Variants in CDH13 observed in about 807,000 individuals in gnomAD.
CDH13 encodes cadherin-13.
CDH13 carries 24 observed loss-of-function variants against 63.8 expected under a neutral mutation model. The observed-to-expected ratio is 0.38, with a 90% CI of 0.27 to 0.53. The LOEUF is 0.53. CDH13 is among the 20% of genes least tolerant of loss of function. CDH13 has a pLI of 0.85. For synonymous variants in CDH13, 503 were observed against 355.3 expected, an observed-to-expected ratio of 1.42 and a Z score of -4.67; for missense variants, 1,049 against 903.1, an observed-to-expected ratio of 1.16 and a Z score of -2.07.
At chr16:82,708,670 C>T (rs145269398) in intron 1 of CDH13, among the ~76,000 whole-genome samples, 1 of 152,246 alleles carries the variant, frequency 6.6e-6, no homozygotes, top group Non-Finnish European at 1.5e-5. Context: ...TCAAGATAGT[C>T]AGGGTCTAAA....
At chr16:83,579,786 A>T (rs1047177146) in intron 7 of CDH13, among the ~76,000 whole-genome samples, 8 of 151,872 alleles carry the variant, frequency 5.3e-5, no homozygotes, top group Non-Finnish European at 7.4e-5. Flanking sequence ...CCATTGTGAT[A>T]AGTCAGATAT....
At chr16:83,210,085 G>GACAT (rs1160685797) in intron 4 of CDH13, among the ~76,000 whole-genome samples, 1 of 152,066 alleles carries the variant, frequency 6.6e-6, no homozygotes, top group Non-Finnish European at 1.5e-5. Context: ...GTTTGTTTGA[G>GACAT]ACAGAGTCTC....
chr16:83,604,953 G>A (rs146667234), intron 8 of CDH13, among the ~76,000 whole-genome samples: 3,028 of 152,162 alleles, frequency 0.02, 44 homozygotes, highest in Middle Eastern at 0.034. Flanking sequence ...TTGAATCCAA[G>A]GAATAATTTA....
intron 1 of CDH13, among the ~76,000 whole-genome samples, chr16:82,671,304 T>C (rs1313171805): frequency 6.6e-6 from 1 of 152,214 alleles, no homozygotes; most frequent in Non-Finnish European, 1.5e-5. Flanking sequence ...GTTTGGGATG[T>C]AAGACACTGA....
intron 5 of CDH13, among the ~76,000 whole-genome samples, chr16:83,343,059 C>T (rs944634937): frequency 2.0e-5 from 3 of 151,808 alleles, no homozygotes; most frequent in East Asian, 1.9e-4. Flanking sequence ...GCAGATATTA[C>T]GAGGCTCTGT....
At chr16:83,588,910 G>A (rs940308857) in intron 7 of CDH13, among the ~76,000 whole-genome samples, 1 of 152,212 alleles carries the variant, frequency 6.6e-6, no homozygotes, top group Non-Finnish European at 1.5e-5. Context: ...GGGCGTCTCA[G>A]TGTTCCAGGA....
chr16:83,280,603 A>G (rs541916390), intron 5 of CDH13, among the ~76,000 whole-genome samples: 1 of 152,346 alleles, frequency 6.6e-6, no homozygotes, highest in African/African-American at 2.4e-5. Context: ...AATGGCATCT[A>G]GAACAGTAAA....
At chr16:82,812,789 C>G (rs1225602117) in intron 1 of CDH13, among the ~76,000 whole-genome samples, 2 of 151,292 alleles carry the variant, frequency 1.3e-5, no homozygotes, top group Non-Finnish European at 3.0e-5. Flanking sequence ...TTTTTTATTT[C>G]CTTTCCTTCT....
chr16:82,720,945 A>C (rs1387355582), intron 1 of CDH13, among the ~76,000 whole-genome samples: 2 of 152,222 alleles, frequency 1.3e-5, no homozygotes, highest in Non-Finnish European at 2.9e-5. Context: ...AGTGAGGTTT[A>C]CTGGAGAAGG....
intron 13 of CDH13, among the ~76,000 whole-genome samples, chr16:83,790,649 C>T (rs374722776): frequency 1.3e-5 from 2 of 152,084 alleles, no homozygotes; most frequent in East Asian, 1.9e-4. Context: ...GTGATCCGCC[C>T]GCCTCGGCCT....
At chr16:83,570,434 C>G (rs1904468318) in intron 7 of CDH13, among the ~76,000 whole-genome samples, 1 of 152,116 alleles carries the variant, frequency 6.6e-6, no homozygotes, top group Non-Finnish European at 1.5e-5. Context: ...TAACCCAACC[C>G]TTTCTGAGTT....
At chr16:83,741,826 G>A (rs3784976) in intron 10 of CDH13, among the ~76,000 whole-genome samples, 33,611 of 152,014 alleles carry the variant, frequency 0.22, 4,114 homozygotes, top group East Asian at 0.55. Flanking sequence ...CCCAACCCCT[G>A]GGCCACAACA....
chr16:83,403,489 C>T (rs1016254676), intron 6 of CDH13, among the ~76,000 whole-genome samples: 33 of 151,928 alleles, frequency 2.2e-4, no homozygotes, highest in Admixed American at 1.7e-3. Flanking sequence ...CAGGTGTGGT[C>T]GCGCGCGCCT....
At chr16:82,924,173 G>C (rs555831064) in intron 2 of CDH13, among the ~76,000 whole-genome samples, 10 of 152,176 alleles carry the variant, frequency 6.6e-5, no homozygotes, top group Non-Finnish European at 1.0e-4. Flanking sequence ...TTTTCTGTAA[G>C]AAGGTGGTAA....
chr16:83,409,200 A>G (rs545578732), intron 6 of CDH13, among the ~76,000 whole-genome samples: 3 of 151,920 alleles, frequency 2.0e-5, no homozygotes, highest in Admixed American at 2.0e-4. Context: ...CCACCAGGAA[A>G]CAATAAAAAA....
At chr16:83,032,778 C>G (rs369685211) in intron 3 of CDH13, among the ~76,000 whole-genome samples, 2 of 152,164 alleles carry the variant, frequency 1.3e-5, no homozygotes, top group African/African-American at 4.8e-5. Flanking sequence ...GAAGCCAGGG[C>G]AGAGTCAGCC....
At chr16:82,692,457 T>TA (rs1411957937) in intron 1 of CDH13, among the ~76,000 whole-genome samples, 1 of 152,218 alleles carries the variant, frequency 6.6e-6, no homozygotes, top group African/African-American at 2.4e-5. Flanking sequence ...AGAGCATGTG[T>TA]AGGGAAACTC....
chr16:83,404,927 C>G (rs987235167), intron 6 of CDH13, among the ~76,000 whole-genome samples: 1 of 152,086 alleles, frequency 6.6e-6, no homozygotes, highest in Non-Finnish European at 1.5e-5. Flanking sequence ...CAAAAACATT[C>G]GTTAGGTTGT....
intron 2 of CDH13, among the ~76,000 whole-genome samples, chr16:82,992,332 A>G (rs1405611858): frequency 6.6e-6 from 1 of 152,218 alleles, no homozygotes; most frequent in Non-Finnish European, 1.5e-5. Flanking sequence ...AAATGTTTTT[A>G]AAAGTCAATT....
Sources: allele counts gnomAD v4.1 joint callset (sites outside exome capture counted in the v4.1 genomes callset), GRCh38; gene constraint gnomAD v4.1.1; transcripts MANE v1.5; gene names NCBI Gene and HGNC (gene_info 2026-07-23, HGNC 2026-07-21).